Variants in VWA7 observed in about 807,000 individuals in gnomAD.
VWA7 encodes the protein von Willebrand factor A domain containing 7.
VWA7 carries 66 observed loss-of-function variants against 83.1 expected under a neutral mutation model. The ratio of observed to expected loss-of-function variants is 0.79; its 90% CI spans 0.65 to 0.98. The LOEUF (loss-of-function observed/expected upper bound fraction) is 0.98, where lower values mean the gene tolerates loss of function less well. VWA7 is among the 50% of genes least tolerant of loss of function. VWA7 has a pLI of 0.00. For missense variants in VWA7, 1,080 were observed against 1,160.2 expected (o/e 0.93, Z 1.00); for synonymous variants, 424 against 488.5 (o/e 0.87, Z 1.74).
Position 31,773,527 on chromosome 6 carries a change from C to G in VWA7, c.722-90G>C, listed in dbSNP as rs1182147320. ...GCCCTTTCAGGCCTGGCCTGACCCT[C>G]TCACCCCTCAGCAAGGGTTCAGCAA... On this transcript the variant is annotated intron_variant, in intron 5 of 16. Transcript: ENST00000375688. The surrounding 1 kb of genome is among the most constrained non-coding windows in gnomAD (Gnocchi z 5.3). The G allele has an allele frequency of 7.9e-7, 1 of 1,264,832 alleles. No individual in the cohort carries two copies. Among genetic ancestry groups the G allele is most frequent in the African/African-American group, 1.5e-5 (1 of 65,960 alleles). 78.4% of individuals were successfully genotyped at this position (1,264,832 alleles called of 1,614,324 possible).
chr6:31,774,416 G>C, intron 5 of VWA7, 100 bp downstream of exon 5: 2 of 1,135,904 alleles, frequency 1.8e-6, no homozygotes, highest in Non-Finnish European at 2.5e-6. Context: ...CTCCTCCTAG[G>C]AGGAGATGCC....
Position 31,776,474 on chromosome 6 carries a change from G to C in VWA7, c.234+72C>G. The C allele has an allele frequency of 7.3e-7, 1 of 1,364,892 alleles. No homozygotes were observed. The highest frequency in any genetic ancestry group is 9.9e-7 in the Non-Finnish European group (1 of 1,010,562). 84.5% of individuals were successfully genotyped at this position (1,364,892 alleles called of 1,614,324 possible). A position where few individuals can be genotyped will look rare whatever the true frequency, so the allele number is the denominator to read the frequency against. Reference sequence around the variant, plus strand: ...GGTGTCTCTTCTCTTGGCAACCAGAGCCCTCAAGGAGTAGAGGCCCCATGG... The same window carrying C: ...GGTGTCTCTTCTCTTGGCAACCAGACCCCTCAAGGAGTAGAGGCCCCATGG... On this transcript the variant is annotated intron_variant, in intron 2 of 16. Transcript: ENST00000375688. This position sits in a 1 kb window ranked among gnomAD's most constrained non-coding sequence, Gnocchi z 6.2.
chr6:31,776,210 G>T lies in VWA7; in HGVS notation c.267C>A (p.Ala89=). ...GRTLLADDLF[A]AYFGPGSSRR... is the part of the protein sequence containing the mutation. ...GAGAAGAACCAGGTCCAAAGTAGGC[G>T]GCAAAGAGGTCATCAGCAAGGAGTG... Residue 89 remains alanine, a synonymous_variant, in exon 3 of 17, where the codon GCC becomes GCA. Transcript: ENST00000375688. The surrounding 1 kb of genome is among the most constrained non-coding windows in gnomAD (Gnocchi z 6.2). 6.2e-7 allele frequency: 1 copy of T among 1,614,006 alleles called. No homozygotes were observed. Among genetic ancestry groups the T allele is most frequent in the Non-Finnish European group, 8.5e-7 (1 of 1,179,998 alleles).
chr6:31,766,448 C>T lies in VWA7; in HGVS notation c.2184+15G>A. On this transcript the variant is annotated intron_variant, in intron 14 of 16. Transcript: ENST00000375688. The surrounding 1 kb of genome is among the most constrained non-coding windows in gnomAD (Gnocchi z 4.9). Reference sequence around the variant, plus strand: ...CTCTCTCCAGCCCCAGCCGCACTTTCCCCTGGCGTCTCACCTCCAGAAGGA... The same window carrying T: ...CTCTCTCCAGCCCCAGCCGCACTTTTCCCTGGCGTCTCACCTCCAGAAGGA... 1 of 1,581,316 alleles carries T rather than the reference C, an allele frequency of 6.3e-7. No individual in the cohort carries two copies. Among genetic ancestry groups the T allele is most frequent in the Middle Eastern group, 1.7e-4 (1 of 5,982 alleles).
chr6:31,770,105 G>C lies in VWA7; in HGVS notation c.1096C>G (p.Pro366Ala), dbSNP rs1812033966. The change falls in exon 8 of 17, where the codon CCT becomes GCT. Residue 366 changes from proline to alanine, a missense_variant. By Grantham distance (27) the Pro-to-Ala change is conservative. Coordinates refer to ENST00000375688, the MANE Select transcript of VWA7 (RefSeq NM_025258.3). Reference sequence around the variant, plus strand: ...TCAGGGTCACTGGTTGTAAAGACAGGGCCGAACCCTGGGAAGGGGAAAGGA... The same window carrying C: ...TCAGGGTCACTGGTTGTAAAGACAGCGCCGAACCCTGGGAAGGGGAAAGGA... ...LVPFHDPGFG[P>A]VFTTSDPDSF... 6.2e-7 allele frequency: 1 copy of C among 1,612,778 alleles called. No individual in the cohort carries two copies. The highest frequency in any genetic ancestry group is 1.1e-5 in the South Asian group (1 of 91,084).
At chr6:31,770,807 C>G (rs1003278650) in intron 7 of VWA7, among the ~76,000 whole-genome samples, 18 of 151,480 alleles carry the variant, frequency 1.2e-4, no homozygotes, top group African/African-American at 3.9e-4. Flanking sequence ...CCCAGGAGCT[C>G]GAGATCAGCC....
In VWA7 at chr6:31,766,570, A is replaced by G; in HGVS notation, c.2077T>C (p.Ser693Pro). Residue 693 changes from serine to proline, a missense_variant, in exon 14 of 17, where the codon TCC (serine) becomes CCC (proline). Transcript: ENST00000375688. This position sits in a 1 kb window ranked among gnomAD's most constrained non-coding sequence, Gnocchi z 4.9. ...TCCAGGGAGAAGGGTCTAGGGGTGGACAGCAGCGTGGGCGACAGCGAGGCT... is the reference window on the plus strand; with the variant it reads ...TCCAGGGAGAAGGGTCTAGGGGTGGGCAGCAGCGTGGGCGACAGCGAGGCT... The part of the protein sequence containing the change: ...LAASLSPTLL[S>P]TPRPFSLELI... 1 of 1,612,916 alleles carries G rather than the reference A, an allele frequency of 6.2e-7. No homozygotes were observed. The highest frequency in any genetic ancestry group is 8.5e-7 in the Non-Finnish European group (1 of 1,180,008).
chr6:31,769,931 G>C lies in VWA7; in HGVS notation c.1200+70C>G. On this transcript the variant is annotated intron_variant, in intron 8 of 16. Transcript: ENST00000375688. The surrounding 1 kb of genome is among the most constrained non-coding windows in gnomAD (Gnocchi z 4.5). ...GGATCTAGGTGCTGAAGGTGGTGGGGAGCCCCAGGAGGGATCTAGCTCCCC... is the reference window on the plus strand; with the variant it reads ...GGATCTAGGTGCTGAAGGTGGTGGGCAGCCCCAGGAGGGATCTAGCTCCCC... 2 of 1,532,198 alleles carry C rather than the reference G, an allele frequency of 1.3e-6. No individual in the cohort carries two copies. Among genetic ancestry groups the C allele is most frequent in the Middle Eastern group, 3.4e-4 (2 of 5,890 alleles). 94.9% of individuals were successfully genotyped at this position (1,532,198 alleles called of 1,614,324 possible). A position where few individuals can be genotyped will look rare whatever the true frequency, so the allele number is the denominator to read the frequency against.
intron 10 of VWA7, 58 bp downstream of exon 10, chr6:31,768,960 G>C: frequency 2.6e-6 from 4 of 1,510,922 alleles, no homozygotes; most frequent in Non-Finnish European, 3.6e-6. Context: ...CCTATAAGAA[G>C]AGAGGTGCAG....
At position 31,766,380 on chromosome 6, in the gene VWA7, C is replaced by G; in HGVS notation, c.2189G>C (p.Ser730Thr). ...CGGGGCCAAGAAACCCGAGGGGCCA[C>G]TAAGCTGCAGAGAAGGGTTCTTCAG... ...STVVPVLLEL[S>T]GPSGFLAPGS... is the part of the protein sequence containing the mutation. Residue 730 changes from serine to threonine, a missense_variant, in exon 15 of 17, where the codon AGT becomes ACT. Coordinates refer to ENST00000375688, the MANE Select transcript of VWA7 (RefSeq NM_025258.3). The surrounding 1 kb of genome is among the most constrained non-coding windows in gnomAD (Gnocchi z 4.9). 6.3e-7 allele frequency: 1 copy of G among 1,597,626 alleles called. No individual in the cohort carries two copies. The highest frequency in any genetic ancestry group is 8.5e-7 in the Non-Finnish European group (1 of 1,173,018).
Position 31,767,381 on chromosome 6 carries a change from G to A in VWA7, c.1770C>T (p.Thr590=). 6.2e-7 allele frequency: 1 copy of A among 1,613,196 alleles called. No homozygotes were observed. The highest frequency in any genetic ancestry group is 8.5e-7 in the Non-Finnish European group (1 of 1,179,776). ...TWEIQVTAED[T]PGVRVQAQTS... is the part of the protein sequence containing the mutation. ...CCTTACCTTGCACTCTCACCCCAGG[G>A]GTGTCCTCAGCTGTGACCTGGATCT... Residue 590 remains threonine, a synonymous_variant, in exon 12 of 17, where the codon ACC becomes ACT. Transcript: ENST00000375688.
At position 31,767,203 on chromosome 6, in the gene VWA7, C is replaced by T; in HGVS notation, c.1837G>A (p.Asp613Asn). Reference protein sequence around the residue: ...FLFHFGIPMEDGPHPGLYPLT... With the variant: ...FLFHFGIPMENGPHPGLYPLT... ...GGGTAGAGGCCAGGGTGGGGTCCAT[C>T]CTCCATGGGGATCCCAAAGTGGAAG... is the stretch of plus-strand genomic sequence containing the variant. Residue 613 changes from aspartate to asparagine, a missense_variant, in exon 13 of 17, where the codon GAT (aspartate) becomes AAT (asparagine). Coordinates refer to ENST00000375688, the MANE Select transcript of VWA7 (RefSeq NM_025258.3). 1 of 1,596,900 alleles carries T rather than the reference C, an allele frequency of 6.3e-7. No homozygotes were observed. The highest frequency in any genetic ancestry group is 8.5e-7 in the Non-Finnish European group (1 of 1,174,812).
chr6:31,772,721 T>C (rs1235925019), intron 7 of VWA7, among the ~76,000 whole-genome samples: 1 of 150,122 alleles, frequency 6.7e-6, no homozygotes. Flanking sequence ...TGCCTCAGCC[T>C]CCCGAGTAGC....
Position 31,769,340 on chromosome 6 carries a change from T to TG in VWA7, c.1318-138dup. The TG allele has an allele frequency of 9.1e-6, 10 of 1,100,746 alleles. No homozygotes were observed. The highest frequency in any genetic ancestry group is 1.0e-5 in the Non-Finnish European group (8 of 787,060). The allele number at this position is 1,100,746 out of a possible 1,614,324, so 68.2% of individuals were successfully genotyped here. ...TCTGCCTGCCTTCTGGCTGCTGGGG[T>TG]GGGGAATCCCAATGACAGAACCCCC... On this transcript the variant is annotated intron_variant, in intron 9 of 16. Coordinates refer to ENST00000375688, the MANE Select transcript of VWA7 (RefSeq NM_025258.3). This position sits in a 1 kb window ranked among gnomAD's most constrained non-coding sequence, Gnocchi z 4.5.
rs149780751 is a variant in VWA7, at chr6:31,773,029, G to A, written c.1012C>T (p.Arg338Cys). The A allele has an allele frequency of 6.4e-4, 1,033 of 1,612,458 alleles. 4 individuals are homozygous for A. Among genetic ancestry groups the A allele is most frequent in the South Asian group, 1.2e-3 (109 of 90,976 alleles). ...CCTCTCCGCTGCTCCACAAGGTGGC[G>A]AGCCTGGATTTTGGCAGCGTTGATC... ...EEINAAKIQA[R>C]HLVEQRRGSP... The change falls in exon 7 of 17, where the codon CGC becomes TGC. Residue 338 changes from arginine to cysteine, a missense_variant. By Grantham distance (180) the Arg-to-Cys change is radical. Coordinates refer to ENST00000375688, the MANE Select transcript of VWA7 (RefSeq NM_025258.3). The surrounding 1 kb of genome is among the most constrained non-coding windows in gnomAD (Gnocchi z 5.3).
chr6:31,769,701 A>G lies in VWA7; in HGVS notation c.1291T>C (p.Ser431Pro). The G allele has an allele frequency of 6.2e-7, 1 of 1,613,032 alleles. No individual in the cohort carries two copies. The highest frequency in any genetic ancestry group is 1.1e-5 in the South Asian group (1 of 91,086). ...CGGCAGCGCCGCTCCTGAGTCAGGG[A>G]TTCCACCTGGTTGGTGAGAAAGGCA... Reference protein sequence around the residue: ...KDAFLTNQVESLTQERRCRVT... With the variant: ...KDAFLTNQVEPLTQERRCRVT... The change falls in exon 9 of 17, where the codon TCC becomes CCC. Residue 431 changes from serine to proline, a missense_variant. Coordinates refer to ENST00000375688, the MANE Select transcript of VWA7 (RefSeq NM_025258.3). This position sits in a 1 kb window ranked among gnomAD's most constrained non-coding sequence, Gnocchi z 4.5.
At chr6:31,767,109 T>C in intron 13 of VWA7, 49 bp downstream of exon 13, 1 of 428,456 alleles carries the variant, frequency 2.3e-6, no homozygotes, top group Non-Finnish European at 4.2e-6. Flanking sequence ...TTTATATATA[T>C]ATATAAAACT....
chr6:31,776,065 C>T lies in VWA7; in HGVS notation c.412G>A (p.Ala138Thr), dbSNP rs147409390. ...FDAERLGQGR[A>T]RLVGALRETV... The stretch of plus-strand genomic sequence containing the variant: ...TCCCGCAGAGCCCCTACCAGGCGCG[C>T]GCGTCCCTGACCCAGTCGCTCAGCA... The change falls in exon 3 of 17, where the codon GCG becomes ACG. Residue 138 changes from alanine (A) to threonine (T), a missense_variant. Physicochemically the swap from Ala to Thr is moderately conservative, Grantham distance 58. Transcript: ENST00000375688. The surrounding 1 kb of genome is among the most constrained non-coding windows in gnomAD (Gnocchi z 6.2). The T allele has an allele frequency of 6.1e-4, 984 of 1,613,808 alleles. 7 individuals are homozygous for T. The Admixed American group carries it at 0.014, about 23-fold the overall frequency.
At position 31,770,285 on chromosome 6, in the gene VWA7, T is replaced by C. The variant is rs145816218; in HGVS notation, c.1088-172A>G. 2.8e-3 allele frequency among the ~76,000 whole-genome samples: 431 copies of C among 152,084 alleles called. 3 individuals carry two copies. Among genetic ancestry groups the C allele is most frequent in the African/African-American group, 9.9e-3 (410 of 41,492 alleles). On this transcript the variant is annotated intron_variant, in intron 7 of 16. Coordinates refer to ENST00000375688, the MANE Select transcript of VWA7 (RefSeq NM_025258.3). ...GGCCGGGTGCGGTGGCTCACACCTG[T>C]AATCCCAGCATTTTGGGAGGCCAAG...
Sources: allele counts gnomAD v4.1 joint callset (sites outside exome capture counted in the v4.1 genomes callset), GRCh38; gene constraint gnomAD v4.1.1; non-coding constraint Gnocchi (gnomAD v3.1); transcripts MANE v1.5; gene names NCBI Gene and HGNC (gene_info 2026-07-23, HGNC 2026-07-21).